CHRDL1: variants seen among roughly 807,000 people sequenced by gnomAD.
CHRDL1 encodes chordin-like protein 1.
Under a neutral mutation model 40.9 loss-of-function variants are expected in CHRDL1, and 19 were observed. The ratio of observed to expected loss-of-function variants is 0.46; its 90% CI spans 0.32 to 0.68. CHRDL1 has a LOEUF of 0.68. CHRDL1 is among the 30% of genes least tolerant of loss of function. The pLI is 0.03. For synonymous variants in CHRDL1, 136 were observed against 123.4 expected, an observed-to-expected ratio of 1.10 and a Z score of -0.68; for missense variants, 329 against 352.1, an observed-to-expected ratio of 0.93 and a Z score of 0.53.
In CHRDL1 at chrX:110,748,763, T is replaced by C. The variant is rs752336578; in HGVS notation, c.301+10898A>G. Among the ~76,000 whole-genome samples the C allele has an allele frequency of 1.2e-4, 14 of 112,415 alleles. No homozygotes were observed. In the South Asian group the frequency reaches 4.4e-3, roughly 36 times the overall value. ...AAGGATAAATACGGCATAATGCCAT[T>C]CATATGAGGTACTGAGAGTAGTCAA... On this transcript the variant is annotated intron_variant, in intron 4 of 11. Coordinates refer to ENST00000372042, the MANE Select transcript of CHRDL1 (RefSeq NM_001143981.2).
At chrX:110,730,324 C>G (rs765417864) in intron 4 of CHRDL1, among the ~76,000 whole-genome samples, 1 of 110,860 alleles carries the variant, frequency 9.0e-6, no homozygotes, top group South Asian at 4.1e-4. Context: ...TATGCCCCAG[C>G]TCCTGGGCAA....
Position 110,727,396 on chromosome X carries a change from T to C in CHRDL1, c.302-5866A>G, listed in dbSNP as rs193035411. On this transcript the variant is annotated intron_variant, in intron 4 of 11. Coordinates refer to ENST00000372042, the MANE Select transcript of CHRDL1 (RefSeq NM_001143981.2). ...TGAAATGTGTTTTTATTAGCTTTTT[T>C]AAATTTCATTTGAAGAAAGAGTTTG... Among the ~76,000 whole-genome samples the C allele has an allele frequency of 8.9e-5, 10 of 112,663 alleles. No individual in the cohort carries two copies. In the East Asian group the frequency reaches 2.8e-3, roughly 31 times the overall value.
intron 6 of CHRDL1, among the ~76,000 whole-genome samples, chrX:110,701,820 A>C (rs1424396167): frequency 9.0e-6 from 1 of 111,349 alleles, no homozygotes; most frequent in Non-Finnish European, 1.9e-5. Context: ...TCACACACAC[A>C]CACAAAAAGA....
At chrX:110,679,888 C>T (rs1263373669) in intron 10 of CHRDL1, among the ~76,000 whole-genome samples, 1 of 112,000 alleles carries the variant, frequency 8.9e-6, no homozygotes, top group African/African-American at 3.2e-5. Context: ...GAGAAGCCAC[C>T]CTTGTTCTTG....
rs772813455 is a variant in CHRDL1, at chrX:110,743,400, C to T, written c.301+16261G>A. ...TTGTCTCTGCTCCTTTGATTTTTCC[C>T]CAGGGCCTTTGGGAAAGCCATAGCT... On this transcript the variant is annotated intron_variant, in intron 4 of 11. Transcript: ENST00000372042. Among the ~76,000 whole-genome samples, 5 of 112,124 alleles carry T rather than the reference C, an allele frequency of 4.5e-5. No individual in the cohort carries two copies. The East Asian group carries it at 1.1e-3, about 25-fold the overall frequency.
At chrX:110,744,375 C>T (rs1358584000) in intron 4 of CHRDL1, among the ~76,000 whole-genome samples, 1 of 111,320 alleles carries the variant, frequency 9.0e-6, no homozygotes, top group Admixed American at 9.5e-5. Flanking sequence ...CCTTCTCTGG[C>T]TAGTACTTTT....
chrX:110,749,308 A>G (rs1328182943), intron 4 of CHRDL1, among the ~76,000 whole-genome samples: 1 of 111,400 alleles, frequency 9.0e-6, no homozygotes, highest in Non-Finnish European at 1.9e-5. Context: ...TGTTCCAAAA[A>G]ATAACCTCAA....
At chrX:110,701,540 G>A (rs970941356) in intron 6 of CHRDL1, among the ~76,000 whole-genome samples, 1 of 111,984 alleles carries the variant, frequency 8.9e-6, no homozygotes, top group African/African-American at 3.3e-5. Context: ...CACGCCGGGT[G>A]CAGTGGGTCA....
chrX:110,708,198 G>A (rs750663889), intron 6 of CHRDL1, among the ~76,000 whole-genome samples: 46 of 111,015 alleles, frequency 4.1e-4, no homozygotes, highest in Non-Finnish European at 6.4e-4. Context: ...TGGTGGGAGT[G>A]TAAATTAGTT....
At chrX:110,689,440 C>A (rs1438654147) in intron 8 of CHRDL1, among the ~76,000 whole-genome samples, 6 of 57,801 alleles carry the variant, frequency 1.0e-4, no homozygotes, top group Admixed American at 3.8e-4. Context: ...ATCTATATAT[C>A]TATATATATC....
In CHRDL1 at chrX:110,740,443, C is replaced by A. The variant is rs762432188; in HGVS notation, c.302-18913G>T. On this transcript the variant is annotated intron_variant, in intron 4 of 11. Coordinates refer to ENST00000372042, the MANE Select transcript of CHRDL1 (RefSeq NM_001143981.2). ...GACCACAGTGTGTTATATTCCCTTC[C>A]CATAGTGCTGGAACTAAATTCCCGA... Among the ~76,000 whole-genome samples the A allele has an allele frequency of 5.3e-5, 6 of 112,398 alleles. No individual in the cohort carries two copies. The East Asian group carries it at 1.7e-3, about 31-fold the overall frequency.
chrX:110,700,446 G>T lies in CHRDL1; in HGVS notation c.609+208C>A, dbSNP rs192770748. 3.6e-5 allele frequency among the ~76,000 whole-genome samples: 4 copies of T among 112,013 alleles called. No homozygotes were observed. Among genetic ancestry groups the T allele is most frequent in the South Asian group, 3.8e-4 (1 of 2,648 alleles). ...AGGGCTGGGGCTATGGTTTCTTTGT[G>T]CACATTTCCTGCCTCCAGTTACCAA... On this transcript the variant is annotated intron_variant, in intron 7 of 11. Coordinates refer to ENST00000372042, the MANE Select transcript of CHRDL1 (RefSeq NM_001143981.2).
intron 6 of CHRDL1, among the ~76,000 whole-genome samples, chrX:110,705,304 TACACACAC>T (rs1209653546): frequency 1.3e-5 from 1 of 77,617 alleles, no homozygotes; most frequent in African/African-American, 5.7e-5. Context: ...TATATATATA[TACACACAC>T]ACATATATAT....
intron 6 of CHRDL1, among the ~76,000 whole-genome samples, chrX:110,707,363 G>A (rs921881432): frequency 1.8e-5 from 2 of 111,731 alleles, no homozygotes; most frequent in African/African-American, 6.5e-5. Flanking sequence ...AACAAAGCTG[G>A]AGGCATCACA....
intron 4 of CHRDL1, among the ~76,000 whole-genome samples, chrX:110,755,636 G>A (rs1443608530): frequency 3.5e-4 from 39 of 111,898 alleles, no homozygotes; most frequent in Non-Finnish European, 1.9e-4. Context: ...CCAGTATCTG[G>A]GGTATACAGT....
At chrX:110,714,737 T>G (rs933853143) in intron 6 of CHRDL1, among the ~76,000 whole-genome samples, 9 of 111,675 alleles carry the variant, frequency 8.1e-5, no homozygotes, top group Non-Finnish European at 1.7e-4. Context: ...TTGGGGACAG[T>G]GCAGAGAGGC....
chrX:110,774,817 A>G (rs1001035682), intron 2 of CHRDL1, among the ~76,000 whole-genome samples: 1 of 111,961 alleles, frequency 8.9e-6, no homozygotes, highest in African/African-American at 3.2e-5. Flanking sequence ...ATTAGTTAAC[A>G]GGATATTGTT....
chrX:110,747,038 G>C (rs1265884278), intron 4 of CHRDL1, among the ~76,000 whole-genome samples: 5 of 109,955 alleles, frequency 4.5e-5, no homozygotes, highest in Non-Finnish European at 9.5e-5. Flanking sequence ...CTCTTTATTG[G>C]CCCCCCCTGC....
At chrX:110,791,025 C>T (rs779465704) in intron 2 of CHRDL1, among the ~76,000 whole-genome samples, 2 of 109,688 alleles carry the variant, frequency 1.8e-5, no homozygotes, top group South Asian at 8.0e-4. Context: ...GACAGAAACA[C>T]ACTTAAGGAT....
Sources: gnomAD v4.1 joint callset for allele counts (sites outside exome capture counted in the v4.1 genomes callset) on GRCh38, gnomAD v4.1.1 for gene constraint, MANE v1.5 for transcripts, NCBI Gene and HGNC (gene_info 2026-07-23, HGNC 2026-07-21) for gene names.